Variants in JMJD1C observed in about 807,000 individuals in gnomAD.
JMJD1C encodes the protein jumonji domain-containing protein 1C.
In JMJD1C, 31 loss-of-function variants were observed where a neutral mutation model predicts 245.3. The observed-to-expected ratio is 0.13, with a 90% CI of 0.09 to 0.17. The LOEUF (loss-of-function observed/expected upper bound fraction) is 0.17, where lower values mean the gene tolerates loss of function less well. Among genes scored for constraint, JMJD1C ranks in the 10% least tolerant of loss-of-function variants. JMJD1C has a pLI of 1.00. For missense variants in JMJD1C, 2,691 were observed against 3,000.2 expected (o/e 0.90, Z 2.41); for synonymous variants, 1,057 against 1,017.4 (o/e 1.04, Z -0.74).
chr10:63,490,420 TTA>T (rs767549212), intron 1 of JMJD1C, among the ~76,000 whole-genome samples: 5,242 of 92,326 alleles, frequency 0.057, 256 homozygotes, highest in East Asian at 0.26. Flanking sequence ...TTTATTTATT[TTA>T]TTTTTTTTTT....
chr10:63,521,531 C>T, intron 1 of JMJD1C: 1 of 1,427,692 alleles, frequency 7.0e-7, no homozygotes, highest in Non-Finnish European at 9.3e-7. Flanking sequence ...ACGTGGGGCC[C>T]AAGCCCCCGT....
chr10:63,230,769 TC>T (rs562461451), intron 3 of JMJD1C, among the ~76,000 whole-genome samples: 95 of 136,736 alleles, frequency 6.9e-4, no homozygotes, highest in African/African-American at 8.5e-4. Flanking sequence ...AGTGAGACTG[TC>T]CCCCCCCCCA....
At chr10:63,469,374 T>C (rs1208725744), upstream of JMJD1C, among the ~76,000 whole-genome samples, 2 of 152,212 alleles carry the variant, frequency 1.3e-5, no homozygotes. Context: ...GAATACACAT[T>C]AAGAAACTGG....
intron 1 of JMJD1C, among the ~76,000 whole-genome samples, chr10:63,406,789 T>C (rs1388170828): frequency 6.6e-6 from 1 of 152,108 alleles, no homozygotes; most frequent in Non-Finnish European, 1.5e-5. Context: ...GTAAAATTGA[T>C]AAAATGTCTT....
At chr10:63,295,945 A>ATATATATC (rs1859328594) in intron 2 of JMJD1C, among the ~76,000 whole-genome samples, 1 of 133,768 alleles carries the variant, frequency 7.5e-6, no homozygotes, top group Non-Finnish European at 1.6e-5. Flanking sequence ...ATACATATAT[A>ATATATATC]TATATACACG....
chr10:63,500,746 A>AAGGAT (rs1954524044), intron 1 of JMJD1C, among the ~76,000 whole-genome samples: 41 of 112,208 alleles, frequency 3.7e-4, no homozygotes, highest in African/African-American at 1.0e-3. Context: ...GATGGATGGA[A>AAGGAT]GGATGGATGG....
intron 1 of JMJD1C, among the ~76,000 whole-genome samples, chr10:63,393,045 T>C (rs1471139906): frequency 6.6e-6 from 1 of 151,802 alleles, no homozygotes; most frequent in Non-Finnish European, 1.5e-5. Context: ...GTTAGGGAGA[T>C]CACCTGCGCC....
intron 2 of JMJD1C, among the ~76,000 whole-genome samples, chr10:63,326,376 T>G (rs968954165): frequency 7.7e-6 from 1 of 129,182 alleles, no homozygotes; most frequent in East Asian, 2.3e-4. Flanking sequence ...CGCAATTCCA[T>G]CTCAAAAATA....
intron 1 of JMJD1C, among the ~76,000 whole-genome samples, chr10:63,521,073 A>G (rs1213405031): frequency 1.3e-5 from 2 of 151,324 alleles, no homozygotes; most frequent in African/African-American, 4.9e-5. Context: ...GCCAATCCCT[A>G]CCCTCCAGTA....
intron 2 of JMJD1C, among the ~76,000 whole-genome samples, chr10:63,324,989 G>C (rs1380370390): frequency 1.3e-5 from 2 of 152,016 alleles, no homozygotes; most frequent in Non-Finnish European, 2.9e-5. Context: ...ATCATAGGTG[G>C]CCTTTATTCT....
Position 63,207,146 on chromosome 10 carries a change from T to C in JMJD1C, c.4523A>G (p.Lys1508Arg). 1 of 1,614,158 alleles carries C rather than the reference T, an allele frequency of 6.2e-7. No individual in the cohort carries two copies. The highest frequency in any genetic ancestry group is 8.5e-7 in the Non-Finnish European group (1 of 1,180,020). ...NASETEPNAI[K>R]NQTLSASLPL... The stretch of plus-strand genomic sequence containing the variant: ...AAGGGAGGCTGAAAGTGTCTGATTT[T>C]TTATAGCATTAGGTTCAGTCTCACT... Residue 1508 changes from lysine to arginine, a missense_variant, in exon 10 of 26, where the codon AAA becomes AGA. This residue lies in a region of JMJD1C where 1,562 missense variants were observed against 1,490.7 expected (regional missense o/e 1.05). Coordinates refer to ENST00000399262, the MANE Select transcript of JMJD1C (RefSeq NM_032776.3).
In JMJD1C at chr10:63,459,259, T is replaced by C. The variant is rs536177628; in HGVS notation, c.168+6236A>G. ...TCAGGTTTTGCTTCCAAATGAATCA[T>C]TAAAAAATGTAGTTGCTACAGCTAT... On this transcript the variant is annotated intron_variant, in intron 1 of 25. Coordinates refer to ENST00000399262, the MANE Select transcript of JMJD1C (RefSeq NM_032776.3). Among the ~76,000 whole-genome samples the C allele has an allele frequency of 1.1e-4, 16 of 152,314 alleles. No homozygotes were observed. The East Asian group carries it at 2.9e-3, about 28-fold the overall frequency.
At chr10:63,352,215 A>G (rs1944422538) in intron 2 of JMJD1C, among the ~76,000 whole-genome samples, 1 of 152,236 alleles carries the variant, frequency 6.6e-6, no homozygotes, top group African/African-American at 2.4e-5. Flanking sequence ...GTTTAGAAAC[A>G]AATTAAATGA....
intron 2 of JMJD1C, among the ~76,000 whole-genome samples, chr10:63,369,389 C>T (rs560640212): frequency 6.6e-6 from 1 of 152,172 alleles, no homozygotes; most frequent in South Asian, 2.1e-4. Flanking sequence ...TGATACCCCC[C>T]ACCTCAGCCT....
intron 1 of JMJD1C, among the ~76,000 whole-genome samples, chr10:63,387,514 G>A (rs1342638680): frequency 2.8e-5 from 4 of 144,224 alleles, no homozygotes; most frequent in Admixed American, 1.4e-4. Context: ...TGTATTCATC[G>A]AATCAAACAA....
In JMJD1C at chr10:63,380,412, G is replaced by C; in HGVS notation, c.239C>G (p.Thr80Ser). Residue 80 changes from threonine (T) to serine (S), a missense_variant, in exon 2 of 26, where the codon ACT (threonine) becomes AGT (serine). Physicochemically the swap from Thr to Ser is moderately conservative, Grantham distance 58. Transcript: ENST00000399262. Reference sequence around the variant, plus strand: ...GATTAAGTGGTATTCCACCAAGAAAGTTGAAAAATCTTCATAAACTTTAAC... The same window carrying C: ...GATTAAGTGGTATTCCACCAAGAAACTTGAAAAATCTTCATAAACTTTAAC... ...EWVKVYEDFS[T>S]FLVEYHLIWA... is the part of the protein sequence containing the mutation. The C allele has an allele frequency of 6.2e-7, 1 of 1,613,862 alleles. No homozygotes were observed. The highest frequency in any genetic ancestry group is 8.5e-7 in the Non-Finnish European group (1 of 1,179,868).
At chr10:63,325,527 A>G (rs143074685) in intron 2 of JMJD1C, among the ~76,000 whole-genome samples, 1 of 152,322 alleles carries the variant, frequency 6.6e-6, no homozygotes, top group Non-Finnish European at 1.5e-5. Flanking sequence ...CAGTGTTTAA[A>G]TAAGCAATGT....
intron 2 of JMJD1C, among the ~76,000 whole-genome samples, chr10:63,327,377 A>G (rs1301154196): frequency 1.3e-5 from 2 of 152,182 alleles, no homozygotes; most frequent in Non-Finnish European, 2.9e-5. Flanking sequence ...CTGAAATTCA[A>G]TTTCTAAAAG....
chr10:63,404,256 A>T (rs1473762829), intron 1 of JMJD1C, among the ~76,000 whole-genome samples: 3 of 152,238 alleles, frequency 2.0e-5, no homozygotes, highest in Non-Finnish European at 4.4e-5. Context: ...TTAGAGAAAC[A>T]GCAAATTTGA....
Sources: allele counts gnomAD v4.1 joint callset (sites outside exome capture counted in the v4.1 genomes callset), GRCh38; gene constraint gnomAD v4.1.1; regional missense constraint gnomAD v4.1.1; transcripts MANE v1.5; gene names NCBI Gene and HGNC (gene_info 2026-07-23, HGNC 2026-07-21).